Variants in RCN2 observed in about 807,000 individuals in gnomAD.
RCN2 encodes the protein reticulocalbin-2.
In RCN2, 23 loss-of-function variants were observed where a neutral mutation model predicts 37.5. That is an observed-to-expected ratio of 0.61 (90% CI 0.44 to 0.87). The LOEUF (loss-of-function observed/expected upper bound fraction) is 0.87. RCN2 is among the 40% of genes least tolerant of loss of function. The pLI, the probability that RCN2 is intolerant of heterozygous loss-of-function variation, is 0.00. For synonymous variants in RCN2, 140 were observed against 144.6 expected (o/e 0.97, Z 0.23); for missense variants, 381 against 390.4 (o/e 0.98, Z 0.20).
intron 3 of RCN2, among the ~76,000 whole-genome samples, chr15:76,939,595 G>A (rs2075268919): frequency 1.3e-5 from 2 of 152,140 alleles, no homozygotes. Flanking sequence ...AACAAGTAGT[G>A]ATAATGAGAT....
chr15:76,945,730 G>A (rs2075294165), intron 4 of RCN2, among the ~76,000 whole-genome samples: 2 of 152,186 alleles, frequency 1.3e-5, no homozygotes, highest in Non-Finnish European at 2.9e-5. Context: ...TGTTTAATGT[G>A]TCATGGTAGA....
At chr15:76,937,027 C>T (rs990742027) in intron 3 of RCN2, among the ~76,000 whole-genome samples, 1 of 152,212 alleles carries the variant, frequency 6.6e-6, no homozygotes, top group African/African-American at 2.4e-5. Context: ...TAAGTAGAAT[C>T]ATACGCCGTA....
intron 1 of RCN2, 45 bp downstream of exon 1, chr15:76,932,030 C>A: frequency 8.1e-7 from 1 of 1,235,704 alleles, no homozygotes; most frequent in Non-Finnish European, 1.0e-6. Context: ...CCTCGCACCG[C>A]GGCTGCCGCG....
Position 76,947,536 on chromosome 15 carries a change from T to C in RCN2, c.658+19T>C. On this transcript the variant is annotated intron_variant, in intron 5 of 6. Transcript: ENST00000394885. ...GATCCAAGTAAGTCACCTGGGAGAATGTGAAAAGAGAAAAGGAATTGAAGA... is the reference window on the plus strand; with the variant it reads ...GATCCAAGTAAGTCACCTGGGAGAACGTGAAAAGAGAAAAGGAATTGAAGA... The C allele has an allele frequency of 6.9e-7, 1 of 1,444,166 alleles. No individual in the cohort carries two copies. Among genetic ancestry groups the C allele is most frequent in the Non-Finnish European group, 9.7e-7 (1 of 1,034,898 alleles). 89.5% of individuals were successfully genotyped at this position (1,444,166 alleles called of 1,614,324 possible). A position where few individuals can be genotyped will look rare whatever the true frequency, so the allele number is the denominator to read the frequency against.
chr15:76,938,560 CTT>C (rs2075262697), intron 3 of RCN2, among the ~76,000 whole-genome samples: 2 of 152,140 alleles, frequency 1.3e-5, no homozygotes, highest in Non-Finnish European at 1.5e-5. Flanking sequence ...CCCCAGAACT[CTT>C]TTCATCTTGG....
intron 4 of RCN2, 117 bp from the exon 5 acceptor site, chr15:76,947,304 G>A (rs1261919868): frequency 6.3e-6 from 4 of 635,506 alleles, no homozygotes; most frequent in Non-Finnish European, 1.1e-5. Flanking sequence ...TGCACCACTA[G>A]AGCTCCAAAA....
At chr15:76,932,811 C>G (rs373390231) in intron 2 of RCN2, among the ~76,000 whole-genome samples, 76 of 152,288 alleles carry the variant, frequency 5.0e-4, no homozygotes, top group African/African-American at 1.8e-3. Flanking sequence ...ATTTATCGCT[C>G]TTTTGATATA....
intron 4 of RCN2, among the ~76,000 whole-genome samples, chr15:76,944,327 A>T (rs559726851): frequency 1.9e-4 from 29 of 152,284 alleles, no homozygotes; most frequent in African/African-American, 6.5e-4. Flanking sequence ...CAGATCATAG[A>T]CAATGAGGTA....
intron 6 of RCN2, 124 bp downstream of exon 6, chr15:76,948,676 C>G: frequency 1.1e-6 from 1 of 900,286 alleles, no homozygotes; most frequent in Non-Finnish European, 1.6e-6. Flanking sequence ...GGGATTGATG[C>G]ATTACTATGT....
rs1460522302 is a variant in RCN2 at position 76,948,545 on chromosome 15, A to C, written c.794A>C (p.Gln265Pro). 1 of 1,568,276 alleles carries C rather than the reference A, an allele frequency of 6.4e-7. No homozygotes were observed. ...WVVPNNQGIA[Q>P]EEALHLIDEM... Reference sequence around the variant, plus strand: ...GTACCTAATAATCAGGGCATTGCACAAGAGGAGGTAAGTGTTACAGAACAA... The same window carrying C: ...GTACCTAATAATCAGGGCATTGCACCAGAGGAGGTAAGTGTTACAGAACAA... The change falls in exon 6 of 7, where the codon CAA becomes CCA. Residue 265 changes from glutamine to proline, a missense_variant. Gln to Pro is a moderately conservative substitution (Grantham distance 76). Transcript: ENST00000394885.
In RCN2 at chr15:76,953,575, A is replaced by ATG. The variant is rs1391316595; in HGVS notation, c.*4354_*4355insGT. 9 of 17,638 alleles carry ATG rather than the reference A, an allele frequency of 5.1e-4. 1 individual carries two copies. The highest frequency in any genetic ancestry group is 2.2e-3 in the African/African-American group (9 of 4,150). 1.1% of individuals were successfully genotyped at this position (17,638 alleles called of 1,614,324 possible). A position where few individuals can be genotyped will look rare whatever the true frequency, so the allele number is the denominator to read the frequency against. On this transcript the variant is annotated 3_prime_UTR_variant, in exon 7 of 7. Coordinates refer to ENST00000394885, the MANE Select transcript of RCN2 (RefSeq NM_002902.3). ...TAATTCTATATATATATATATATAT[A>ATG]TATATATATATATATATATTTTTTT...
In RCN2 at chr15:76,932,423, C is replaced by T; in HGVS notation, c.207C>T (p.Ile69=). ...HEEQQKRLQA[I]IKKIDLDSDG... is the part of the protein sequence containing the mutation. ...AGCAGCAAAAAAGACTGCAGGCGATCATAAAGAAAATCGACTTGGACTCAG... is the reference window on the plus strand; with the variant it reads ...AGCAGCAAAAAAGACTGCAGGCGATTATAAAGAAAATCGACTTGGACTCAG... The change falls in exon 2 of 7, where the codon ATC becomes ATT. Residue 69 remains isoleucine, a synonymous_variant. Transcript: ENST00000394885. The T allele has an allele frequency of 6.2e-7, 1 of 1,613,404 alleles. No individual in the cohort carries two copies.
chr15:76,931,757 A>C lies in RCN2; in HGVS notation c.-85A>C. 1 of 1,073,498 alleles carries C rather than the reference A, an allele frequency of 9.3e-7. No homozygotes were observed. Among genetic ancestry groups the C allele is most frequent in the Non-Finnish European group, 1.2e-6 (1 of 857,892 alleles). The allele number at this position is 1,073,498 out of a possible 1,614,324, so 66.5% of individuals were successfully genotyped here. The stretch of plus-strand genomic sequence containing the variant: ...AACGTACGTCGCACCGCCTCTCTGT[A>C]GCCGCCCGCGGAGCATCGCAGCCGG... On this transcript the variant is annotated 5_prime_UTR_variant, in exon 1 of 7. Coordinates refer to ENST00000394885, the MANE Select transcript of RCN2 (RefSeq NM_002902.3).
At chr15:76,937,794 A>T (rs2075258855) in intron 3 of RCN2, among the ~76,000 whole-genome samples, 1 of 152,228 alleles carries the variant, frequency 6.6e-6, no homozygotes, top group African/African-American at 2.4e-5. Flanking sequence ...ATGCTTCTTA[A>T]GCAGAGCTGA....
chr15:76,948,107 G>A (rs1031382549), intron 5 of RCN2: 2 of 213,800 alleles, frequency 9.4e-6, no homozygotes, highest in African/African-American at 4.6e-5. Flanking sequence ...ATGATATACA[G>A]TAAAACATTA....
rs1596000661 is a variant in RCN2 at position 76,931,776 on chromosome 15, C to G, written c.-66C>G. The G allele has an allele frequency of 8.6e-7, 1 of 1,161,622 alleles. No individual in the cohort carries two copies. Among genetic ancestry groups the G allele is most frequent in the Non-Finnish European group, 1.1e-6 (1 of 936,148 alleles). 72.0% of individuals were successfully genotyped at this position (1,161,622 alleles called of 1,614,324 possible). ...CTCTGTAGCCGCCCGCGGAGCATCGCAGCCGGCCCGGGCCCCCGCCAGCCT... is the reference window on the plus strand; with the variant it reads ...CTCTGTAGCCGCCCGCGGAGCATCGGAGCCGGCCCGGGCCCCCGCCAGCCT... On this transcript the variant is annotated 5_prime_UTR_variant, in exon 1 of 7. Coordinates refer to ENST00000394885, the MANE Select transcript of RCN2 (RefSeq NM_002902.3).
intron 3 of RCN2, among the ~76,000 whole-genome samples, chr15:76,940,583 C>G (rs2075273032): frequency 7.7e-6 from 1 of 129,684 alleles, no homozygotes; most frequent in Non-Finnish European, 1.6e-5. Context: ...GAGTGTCGCT[C>G]TGTCACCCAG....
At chr15:76,947,602 C>G in intron 5 of RCN2, 85 bp downstream of exon 5, 1 of 847,778 alleles carries the variant, frequency 1.2e-6, no homozygotes, top group Non-Finnish European at 1.9e-6. Flanking sequence ...AAGCTCTCTT[C>G]AACAGGAAAT....
chr15:76,933,260 CTTAAG>C (rs1249205398), intron 2 of RCN2, among the ~76,000 whole-genome samples: 4 of 152,192 alleles, frequency 2.6e-5, no homozygotes, highest in South Asian at 2.1e-4. Context: ...TATTGTGACT[CTTAAG>C]TTAGCTGTTT....
Sources: gnomAD v4.1 joint callset for allele counts (sites outside exome capture counted in the v4.1 genomes callset) on GRCh38, gnomAD v4.1.1 for gene constraint, MANE v1.5 for transcripts, NCBI Gene and HGNC (gene_info 2026-07-23, HGNC 2026-07-21) for gene names.